TRIP12: variants seen among roughly 807,000 people sequenced by gnomAD.
TRIP12 encodes the protein thyroid hormone receptor interactor 12.
In TRIP12, 25 loss-of-function variants were observed where a neutral mutation model predicts 244.2. The observed-to-expected ratio is 0.10, with a 90% CI of 0.07 to 0.14. The LOEUF is 0.14. Among genes scored for constraint, TRIP12 ranks in the 10% least tolerant of loss-of-function variants. The pLI, the probability that TRIP12 is intolerant of heterozygous loss-of-function variation, is 1.00. For synonymous variants in TRIP12, 905 were observed against 873.1 expected, an observed-to-expected ratio of 1.04 and a Z score of -0.64; for missense variants, 1,677 against 2,486.4, an observed-to-expected ratio of 0.67 and a Z score of 6.92.
chr2:229,880,044 T>G lies in TRIP12; in HGVS notation c.36A>C (p.Ser12=). 6.2e-7 allele frequency: 1 copy of G among 1,614,188 alleles called. No individual in the cohort carries two copies. Among genetic ancestry groups the G allele is most frequent in the Non-Finnish European group, 8.5e-7 (1 of 1,180,040 alleles). Residue 12 remains serine, a synonymous_variant, in exon 2 of 42, where the codon TCA becomes TCC. Transcript: ENST00000675903. The stretch of plus-strand genomic sequence containing the variant: ...CAGTGTTCCTCTGTGAACGTCGCAG[T>G]GACCCCCCTGGATTGTTATTAGGCC... ...SNRPNNNPGG[S]LRRSQRNTAG... is the part of the protein sequence containing the mutation.
rs1316687081 is a variant in TRIP12, at chr2:229,814,030, C to T, written c.1826G>A (p.Gly609Asp). Reference sequence around the variant, plus strand: ...GTACAGCAAGCAGTCTGCCAAACCACCCTAAAATATAGAAAACTGTTAAGG... The same window carrying T: ...GTACAGCAAGCAGTCTGCCAAACCATCCTAAAATATAGAAAACTGTTAAGG... The part of the protein sequence containing the change: ...RRHSKAILQA[G>D]GLADCLLYLE... The change falls in exon 13 of 42, where the codon GGT becomes GAT. Residue 609 changes from glycine (G) to aspartate (D), a missense_variant and splice_region_variant. By Grantham distance (94) the Gly-to-Asp change is moderately conservative. Coordinates refer to ENST00000675903, the MANE Select transcript of TRIP12 (RefSeq NM_001348323.3). The T allele has an allele frequency of 6.4e-7, 1 of 1,570,984 alleles. No homozygotes were observed. Among genetic ancestry groups the T allele is most frequent in the Non-Finnish European group, 8.7e-7 (1 of 1,148,804 alleles).
At chr2:229,829,499 T>C (rs2052714339) in intron 7 of TRIP12, among the ~76,000 whole-genome samples, 1 of 152,114 alleles carries the variant, frequency 6.6e-6, no homozygotes, top group East Asian at 1.9e-4. Context: ...TCAAGAAAAA[T>C]CTAAGGTAAA....
At chr2:229,798,249 C>A (rs1051520123) in intron 23 of TRIP12, among the ~76,000 whole-genome samples, 1 of 152,044 alleles carries the variant, frequency 6.6e-6, no homozygotes, top group East Asian at 1.9e-4. Flanking sequence ...AAATAAGACC[C>A]GGCTGCTTAA....
At chr2:229,893,493 A>AT (rs11420266) in intron 1 of TRIP12, among the ~76,000 whole-genome samples, 94,681 of 148,488 alleles carry the variant, frequency 0.64, 30,163 homozygotes, top group East Asian at 0.76. Flanking sequence ...TACTGTTCTA[A>AT]TTTTTTTTTT....
intron 31 of TRIP12, 148 bp downstream of exon 31, chr2:229,789,463 G>C (rs888852510): frequency 1.0e-5 from 8 of 774,902 alleles, no homozygotes; most frequent in Non-Finnish European, 1.5e-5. Flanking sequence ...AAAAAAAAGT[G>C]GGGGAGAAGT....
chr2:229,885,999 T>C (rs543973958), intron 1 of TRIP12, among the ~76,000 whole-genome samples: 2 of 152,218 alleles, frequency 1.3e-5, no homozygotes, highest in Non-Finnish European at 2.9e-5. Flanking sequence ...TGAGTACTTA[T>C]TAAGTACAAT....
At chr2:229,867,803 G>T (rs1466714582) in intron 2 of TRIP12, among the ~76,000 whole-genome samples, 1 of 152,184 alleles carries the variant, frequency 6.6e-6, no homozygotes, top group African/African-American at 2.4e-5. Flanking sequence ...GTATGCTTAT[G>T]ATGTGACTTT....
chr2:229,807,399 A>T, intron 17 of TRIP12: 1 of 343,236 alleles, frequency 2.9e-6, no homozygotes, highest in Non-Finnish European at 5.4e-6. Context: ...TAGAAGATAG[A>T]TAAATTTTAG....
chr2:229,855,477 T>A (rs1027850663), intron 4 of TRIP12, among the ~76,000 whole-genome samples: 1 of 151,932 alleles, frequency 6.6e-6, no homozygotes, highest in Non-Finnish European at 1.5e-5. Flanking sequence ...CACATAGTAT[T>A]CATCTCTAAA....
chr2:229,774,249 G>T lies in TRIP12; in HGVS notation c.5542C>A (p.Leu1848Ile). Residue 1848 changes from leucine to isoleucine, a missense_variant, in exon 38 of 42, where the codon CTA (leucine) becomes ATA (isoleucine). By Grantham distance (5) the Leu-to-Ile change is conservative. Transcript: ENST00000675903. Reference protein sequence around the residue: ...EQDKSQTKESLQYALETLTMN... With the variant: ...EQDKSQTKESIQYALETLTMN... ...GTCAAGGTTTCTAATGCATACTGTAGACTCTCTTTGGTCTAAAAAACACAA... is the reference window on the plus strand; with the variant it reads ...GTCAAGGTTTCTAATGCATACTGTATACTCTCTTTGGTCTAAAAAACACAA... 6.2e-7 allele frequency: 1 copy of T among 1,611,764 alleles called. No individual in the cohort carries two copies. Among genetic ancestry groups the T allele is most frequent in the South Asian group, 1.1e-5 (1 of 90,378 alleles).
intron 21 of TRIP12, among the ~76,000 whole-genome samples, chr2:229,799,613 A>G (rs968323305): frequency 6.6e-6 from 1 of 152,060 alleles, no homozygotes; most frequent in Non-Finnish European, 1.5e-5. Context: ...CATCTCTACT[A>G]AAAATACAAA....
chr2:229,874,654 T>C (rs796674703), intron 2 of TRIP12, among the ~76,000 whole-genome samples: 2 of 152,148 alleles, frequency 1.3e-5, no homozygotes, highest in African/African-American at 4.8e-5. Context: ...AGTATACATA[T>C]ATTGATCTCT....
intron 34 of TRIP12, among the ~76,000 whole-genome samples, chr2:229,781,241 A>C (rs2154248949): frequency 6.6e-6 from 1 of 152,314 alleles, no homozygotes; most frequent in East Asian, 1.9e-4. Context: ...AAGTGTAGGT[A>C]CTTGGTTGAG....
chr2:229,897,093 G>A (rs1445294105), intron 1 of TRIP12, among the ~76,000 whole-genome samples: 1 of 152,106 alleles, frequency 6.6e-6, no homozygotes, highest in African/African-American at 2.4e-5. Context: ...GGAAATCTCT[G>A]TACCTTCAGC....
chr2:229,867,591 A>C (rs778387025), intron 2 of TRIP12, among the ~76,000 whole-genome samples: 3 of 152,222 alleles, frequency 2.0e-5, no homozygotes, highest in Non-Finnish European at 4.4e-5. Context: ...ACAGCCTTCC[A>C]AATGTGATAA....
chr2:229,817,083 A>G (rs1465676380), intron 9 of TRIP12, among the ~76,000 whole-genome samples: 1 of 152,212 alleles, frequency 6.6e-6, no homozygotes, highest in Non-Finnish European at 1.5e-5. Flanking sequence ...CCATCCAAAT[A>G]AGAACAAGCA....
At chr2:229,848,641 G>A (rs746742118) in intron 4 of TRIP12, among the ~76,000 whole-genome samples, 13 of 152,000 alleles carry the variant, frequency 8.6e-5, no homozygotes, top group Non-Finnish European at 5.9e-5. Context: ...ACAAGTACAC[G>A]GTGACCAACA....
chr2:229,805,860 A>T lies in TRIP12; in HGVS notation c.2520T>A (p.Asp840Glu), dbSNP rs761764102. ...IIEAAHQVGE[D>E]EISLSTLGRV... ...GTCCCAGAGTGGACAAGCTTATCTC[A>T]TCCTCACCGACCTGATGGGCTGCCT... is the stretch of plus-strand genomic sequence containing the variant. Residue 840 changes from aspartate to glutamate, a missense_variant, in exon 18 of 42, where the codon GAT becomes GAA. Physicochemically the swap from Asp to Glu is conservative, Grantham distance 45 (BLOSUM62 2). This residue lies in a region of TRIP12 where 572 missense variants were observed against 867.8 expected (regional missense o/e 0.66). Coordinates refer to ENST00000675903, the MANE Select transcript of TRIP12 (RefSeq NM_001348323.3). 1 of 1,587,546 alleles carries T rather than the reference A, an allele frequency of 6.3e-7. No individual in the cohort carries two copies. The highest frequency in any genetic ancestry group is 1.7e-5 in the Admixed American group (1 of 58,908).
chr2:229,864,082 G>A (rs566385346), intron 2 of TRIP12, among the ~76,000 whole-genome samples: 124 of 149,240 alleles, frequency 8.3e-4, no homozygotes, highest in Admixed American at 6.7e-3. Flanking sequence ...GTGTGTGCAC[G>A]CGCACACGTG....
Sources: allele counts gnomAD v4.1 joint callset (sites outside exome capture counted in the v4.1 genomes callset), GRCh38; gene constraint gnomAD v4.1.1; regional missense constraint gnomAD v4.1.1; transcripts MANE v1.5; gene names NCBI Gene and HGNC (gene_info 2026-07-23, HGNC 2026-07-21).